Variants in RBM26 observed in about 807,000 individuals in gnomAD.
RBM26 encodes the protein RNA binding motif protein 26.
RBM26 carries 30 observed loss-of-function variants against 123.6 expected under a neutral mutation model. The ratio of observed to expected loss-of-function variants is 0.24; its 90% CI spans 0.18 to 0.33. The LOEUF is 0.33. Among genes scored for constraint, RBM26 ranks in the 10% least tolerant of loss-of-function variants. The probability of loss-of-function intolerance (pLI) is 1.00; values close to 1 mark genes in which losing one functional copy is unlikely to be tolerated. For missense variants in RBM26, 947 were observed against 1,203.6 expected (o/e 0.79, Z 3.15); for synonymous variants, 400 against 404.4 (o/e 0.99, Z 0.13).
intron 1 of RBM26, among the ~76,000 whole-genome samples, chr13:79,405,501 C>T (rs2140650916): frequency 6.6e-6 from 1 of 151,378 alleles, no homozygotes; most frequent in East Asian, 2.0e-4. Context: ...AGCAGCTCAG[C>T]AATAAAATAA....
Position 79,320,350 on chromosome 13 carries a change from TTC to T in RBM26, c.*269_*270del, listed in dbSNP as rs954040812. The stretch of plus-strand genomic sequence containing the variant: ...ATTAAATTACAAAGAACCCAAAGAA[TTC>T]TGTGATGTCCAGTAGAAGTATGTAA... On this transcript the variant is annotated 3_prime_UTR_variant, in exon 22 of 22. Coordinates refer to ENST00000438737, the MANE Select transcript of RBM26 (RefSeq NM_001366735.2). 201 of 1,053,838 alleles carry T rather than the reference TTC, an allele frequency of 1.9e-4. No individual in the cohort carries two copies. Among genetic ancestry groups the T allele is most frequent in the Non-Finnish European group, 2.2e-4 (193 of 872,966 alleles). The allele number at this position is 1,053,838 out of a possible 1,614,324, so 65.3% of individuals were successfully genotyped here. A position where few individuals can be genotyped will look rare whatever the true frequency, so the allele number is the denominator to read the frequency against.
chr13:79,324,078 C>T (rs2068034926), intron 20 of RBM26, among the ~76,000 whole-genome samples: 1 of 151,626 alleles, frequency 6.6e-6, no homozygotes, highest in African/African-American at 2.4e-5. Context: ...TCACTTTTTA[C>T]AAAGATTCAA....
chr13:79,344,929 TATA>T, intron 14 of RBM26, 135 bp from the exon 15 acceptor site: 1 of 728,906 alleles, frequency 1.4e-6, no homozygotes, highest in South Asian at 2.3e-5. Flanking sequence ...ATTTTATACT[TATA>T]ATAACGAAAT....
rs2070550984 is a variant in RBM26, at chr13:79,337,120, A to T, written c.2715T>A (p.Asp905Glu). 1.9e-6 allele frequency: 3 copies of T among 1,613,900 alleles called. No individual in the cohort carries two copies. Among genetic ancestry groups the T allele is most frequent in the Non-Finnish European group, 2.5e-6 (3 of 1,179,964 alleles). The change falls in exon 19 of 22, where the codon GAT (aspartate) becomes GAA (glutamate). Residue 905 changes from aspartate to glutamate, a missense_variant. By Grantham distance (45) the Asp-to-Glu change is conservative. This residue lies in a region of RBM26 where 164 missense variants were observed against 215.3 expected (regional missense o/e 0.76). Coordinates refer to ENST00000438737, the MANE Select transcript of RBM26 (RefSeq NM_001366735.2). ...AAAGTACCGCAAAATGAGGAAGAAG[A>T]TCTTCTCTATCGCTCTCCGTAAATG... The part of the protein sequence containing the change: ...ISAFTESDRE[D>E]LLPHFAQYGE...
chr13:79,365,887 T>G, intron 8 of RBM26, 168 bp downstream of exon 8: 2 of 961,490 alleles, frequency 2.1e-6, no homozygotes, highest in East Asian at 2.7e-5. Flanking sequence ...AAAGAAAATG[T>G]TTTTTTGAAA....
chr13:79,401,831 G>T (rs1306977067), intron 1 of RBM26, among the ~76,000 whole-genome samples: 1 of 152,060 alleles, frequency 6.6e-6, no homozygotes, highest in African/African-American at 2.4e-5. Context: ...TTTGAATACT[G>T]ATCTGGACAC....
At position 79,373,215 on chromosome 13, in the gene RBM26, T is replaced by C. The variant is rs1483321592; in HGVS notation, c.328-1285A>G. On this transcript the variant is annotated intron_variant, in intron 3 of 21. Coordinates refer to ENST00000438737, the MANE Select transcript of RBM26 (RefSeq NM_001366735.2). ...TATAAAATATATAAAAATATATAAA[T>C]ATATATAAATATGTATATGTTTATG... is the stretch of plus-strand genomic sequence containing the variant. Among the ~76,000 whole-genome samples, 981 of 111,078 alleles carry C rather than the reference T, an allele frequency of 8.8e-3. 24 individuals carry two copies. Among genetic ancestry groups the C allele is most frequent in the African/African-American group, 0.034 (941 of 27,574 alleles). The allele number at this position is 111,078 out of a possible 152,430, so 72.9% of individuals were successfully genotyped here.
intron 9 of RBM26, among the ~76,000 whole-genome samples, chr13:79,363,685 C>A (rs878870728): frequency 6.6e-6 from 1 of 152,096 alleles, no homozygotes; most frequent in Admixed American, 6.5e-5. Context: ...GCATTAAGAG[C>A]TGAAATTACC....
At chr13:79,389,688 T>C (rs985830458) in intron 1 of RBM26, 1 of 152,168 alleles carries the variant, frequency 6.6e-6, no homozygotes, top group South Asian at 2.1e-4. Context: ...AAAAACTACA[T>C]ATTAACAGTA....
rs2074290947 is a variant in RBM26, at chr13:79,358,502, A to C, written c.1530-69T>G. On this transcript the variant is annotated intron_variant, in intron 10 of 21. Coordinates refer to ENST00000438737, the MANE Select transcript of RBM26 (RefSeq NM_001366735.2). ...ACCCTAACCAAATACAAGGGAATAA[A>C]GTTTAACAAAATAGATATCCAATTA... 5.6e-6 allele frequency: 7 copies of C among 1,241,076 alleles called. No individual in the cohort carries two copies. The Admixed American group carries it at 1.7e-4, about 31-fold the overall frequency. The allele number at this position is 1,241,076 out of a possible 1,614,324, so 76.9% of individuals were successfully genotyped here. A position where few individuals can be genotyped will look rare whatever the true frequency, so the allele number is the denominator to read the frequency against.
chr13:79,379,543 CA>C (rs35564097), intron 1 of RBM26, among the ~76,000 whole-genome samples: 17 of 147,122 alleles, frequency 1.2e-4, no homozygotes, highest in African/African-American at 2.3e-4. Flanking sequence ...AACCCTATCT[CA>C]AAAAAAAAAG....
Position 79,405,944 on chromosome 13 carries a change from G to C in RBM26, c.-170C>G, listed in dbSNP as rs1292757276. On this transcript the variant is annotated 5_prime_UTR_variant, in exon 1 of 22. Transcript: ENST00000438737. The stretch of plus-strand genomic sequence containing the variant: ...GTCGGCGAACAGCTCTGCAAGGACC[G>C]CCGCAGGCCACAAGTGCACGGGGTG... 5.9e-6 allele frequency: 2 copies of C among 340,254 alleles called. No homozygotes were observed. The highest frequency in any genetic ancestry group is 1.0e-5 in the Non-Finnish European group (2 of 190,834). 21.1% of individuals were successfully genotyped at this position (340,254 alleles called of 1,614,324 possible). A position where few individuals can be genotyped will look rare whatever the true frequency, so the allele number is the denominator to read the frequency against.
chr13:79,374,204 C>T (rs1388604736), intron 3 of RBM26, among the ~76,000 whole-genome samples: 1 of 152,114 alleles, frequency 6.6e-6, no homozygotes, highest in Non-Finnish European at 1.5e-5. Flanking sequence ...CACAGTGGCT[C>T]ACACCTATAA....
intron 18 of RBM26, among the ~76,000 whole-genome samples, chr13:79,340,826 T>C (rs920244750): frequency 1.3e-5 from 2 of 151,902 alleles, no homozygotes; most frequent in Non-Finnish European, 2.9e-5. Context: ...TTATTATAAG[T>C]TTTCTATTCC....
chr13:79,356,398 A>C (rs2074018541), intron 11 of RBM26, among the ~76,000 whole-genome samples: 2 of 147,854 alleles, frequency 1.4e-5, no homozygotes, highest in East Asian at 2.0e-4. Flanking sequence ...ACAAAAAAAA[A>C]CAAAAAAGTA....
chr13:79,365,191 C>T (rs910978182), intron 9 of RBM26, among the ~76,000 whole-genome samples: 14 of 152,196 alleles, frequency 9.2e-5, no homozygotes, highest in African/African-American at 2.9e-4. Context: ...GCCTATAATC[C>T]CAGCACTTTG....
chr13:79,347,761 C>A (rs61966653), intron 14 of RBM26, among the ~76,000 whole-genome samples: 1 of 151,928 alleles, frequency 6.6e-6, no homozygotes, highest in Non-Finnish European at 1.5e-5. Flanking sequence ...ATGGTTTATT[C>A]TATTTTCCTT....
intron 1 of RBM26, among the ~76,000 whole-genome samples, chr13:79,393,528 TAC>T (rs2078280506): frequency 6.6e-6 from 1 of 152,188 alleles, no homozygotes; most frequent in African/African-American, 2.4e-5. Context: ...GCAGGTAACA[TAC>T]ATCAGTTCCG....
At chr13:79,373,606 G>A (rs1339521630) in intron 3 of RBM26, among the ~76,000 whole-genome samples, 1 of 90,528 alleles carries the variant, frequency 1.1e-5, no homozygotes, top group Non-Finnish European at 2.0e-5. Context: ...TATTTATATA[G>A]TATATTTATA....
Sources: gnomAD v4.1 joint callset for allele counts (sites outside exome capture counted in the v4.1 genomes callset) on GRCh38, gnomAD v4.1.1 for gene constraint, gnomAD v4.1.1 regional missense constraint, MANE v1.5 for transcripts, NCBI Gene and HGNC (gene_info 2026-07-23, HGNC 2026-07-21) for gene names.